OXR1: variants seen among roughly 807,000 people sequenced by gnomAD.
OXR1 encodes oxidation resistance protein 1.
OXR1 carries 41 observed loss-of-function variants against 104.6 expected under a neutral mutation model. The observed-to-expected ratio is 0.39, with a 90% CI of 0.31 to 0.51. The LOEUF is 0.51. Among genes scored for constraint, OXR1 ranks in the 20% least tolerant of loss-of-function variants. The pLI is 0.77. For missense variants in OXR1, 955 were observed against 1,031.9 expected, an observed-to-expected ratio of 0.93 and a Z score of 1.02; for synonymous variants, 348 against 348.4, an observed-to-expected ratio of 1.00 and a Z score of 0.01.
intron 3 of OXR1, among the ~76,000 whole-genome samples, chr8:106,588,770 C>T (rs1408548246): frequency 6.6e-6 from 1 of 152,116 alleles, no homozygotes; most frequent in Admixed American, 6.5e-5. Flanking sequence ...TGAGCCACCG[C>T]GCCCAGCCTC....
chr8:106,686,643 GTTA>G (rs1828758791), intron 6 of OXR1, among the ~76,000 whole-genome samples: 2 of 151,952 alleles, frequency 1.3e-5, no homozygotes, highest in South Asian at 2.1e-4. Flanking sequence ...TATTAGTATT[GTTA>G]TTATATGTTT....
At chr8:106,369,121 G>A (rs1816604608) in intron 2 of OXR1, among the ~76,000 whole-genome samples, 1 of 152,198 alleles carries the variant, frequency 6.6e-6, no homozygotes. Flanking sequence ...GTATCTCACT[G>A]TGGTTTTGAT....
intron 3 of OXR1, among the ~76,000 whole-genome samples, chr8:106,572,406 C>G (rs1199992101): frequency 6.6e-6 from 1 of 152,180 alleles, no homozygotes; most frequent in Non-Finnish European, 1.5e-5. Flanking sequence ...TCAGAAAAAG[C>G]TTTCTCAATT....
intron 2 of OXR1, among the ~76,000 whole-genome samples, chr8:106,453,237 A>ATC (rs1477588600): frequency 6.6e-6 from 1 of 152,084 alleles, no homozygotes; most frequent in Non-Finnish European, 1.5e-5. Context: ...TCACCCATGG[A>ATC]TCTCTCTCTC....
chr8:106,687,792 A>G (rs933880500), intron 6 of OXR1, among the ~76,000 whole-genome samples: 1 of 151,992 alleles, frequency 6.6e-6, no homozygotes, highest in South Asian at 2.1e-4. Flanking sequence ...TCCATTTTAT[A>G]GAGGAGGAAA....
At chr8:106,663,245 C>G (rs1825948430) in intron 3 of OXR1, among the ~76,000 whole-genome samples, 2 of 151,924 alleles carry the variant, frequency 1.3e-5, no homozygotes, top group Admixed American at 1.3e-4. Flanking sequence ...AAAATCTGAG[C>G]CAAAGAAAGA....
At chr8:106,552,791 A>G (rs988633823) in intron 3 of OXR1, among the ~76,000 whole-genome samples, 27 of 152,210 alleles carry the variant, frequency 1.8e-4, no homozygotes. Context: ...TTTGAAATGC[A>G]GTTAAGTTCA....
At chr8:106,595,578 AAAAG>A (rs1424283073) in intron 3 of OXR1, among the ~76,000 whole-genome samples, 2 of 151,940 alleles carry the variant, frequency 1.3e-5, no homozygotes, top group Non-Finnish European at 2.9e-5. Context: ...AAAGAAAAGA[AAAAG>A]AAAACGAAAG....
chr8:106,562,748 C>T (rs1008045495), intron 3 of OXR1, among the ~76,000 whole-genome samples: 4 of 152,138 alleles, frequency 2.6e-5, no homozygotes, highest in African/African-American at 4.8e-5. Flanking sequence ...CAAAGAGAAG[C>T]CCATCAGACT....
At chr8:106,314,142 G>A (rs1586509752) in intron 1 of OXR1, among the ~76,000 whole-genome samples, 1 of 152,128 alleles carries the variant, frequency 6.6e-6, no homozygotes, top group Non-Finnish European at 1.5e-5. Context: ...TGCCCAAAAG[G>A]GAGCTTTTAT....
chr8:106,565,647 C>T (rs6989665), intron 3 of OXR1, among the ~76,000 whole-genome samples: 75,967 of 151,836 alleles, frequency 0.5, 19,199 homozygotes, highest in African/African-American at 0.53. Context: ...CTATATGGAA[C>T]CAAAAAAGAG....
At chr8:106,311,479 C>T (rs938020540) in intron 1 of OXR1, among the ~76,000 whole-genome samples, 3 of 152,120 alleles carry the variant, frequency 2.0e-5, no homozygotes, top group African/African-American at 7.2e-5. Context: ...ATATACTAAA[C>T]TATCATTAAT....
intron 3 of OXR1, among the ~76,000 whole-genome samples, chr8:106,677,078 T>A (rs2131196960): frequency 6.6e-6 from 1 of 152,180 alleles, no homozygotes; most frequent in South Asian, 2.1e-4. Context: ...TTAGGCAAAG[T>A]AAATACAAAC....
chr8:106,626,654 T>C (rs1330818624), intron 3 of OXR1, among the ~76,000 whole-genome samples: 1 of 151,008 alleles, frequency 6.6e-6, no homozygotes, highest in African/African-American at 2.4e-5. Context: ...TAATAATATC[T>C]TTAAAAAAAT....
chr8:106,717,375 G>A (rs1287182394), intron 11 of OXR1, among the ~76,000 whole-genome samples: 1 of 152,070 alleles, frequency 6.6e-6, no homozygotes, highest in African/African-American at 2.4e-5. Flanking sequence ...ACAAAGGAAT[G>A]GAGAATAGGT....
chr8:106,530,021 T>C (rs1182618614), intron 3 of OXR1, among the ~76,000 whole-genome samples: 4 of 152,204 alleles, frequency 2.6e-5, no homozygotes, highest in South Asian at 2.1e-4. Context: ...AACACGTCTA[T>C]GAACATCCCA....
intron 3 of OXR1, among the ~76,000 whole-genome samples, chr8:106,635,191 T>C (rs1388481003): frequency 6.6e-6 from 1 of 152,220 alleles, no homozygotes; most frequent in Non-Finnish European, 1.5e-5. Flanking sequence ...CTCCTGGATA[T>C]GAATGAATGT....
At chr8:106,708,266 G>A (rs1831342641) in intron 9 of OXR1, among the ~76,000 whole-genome samples, 1 of 151,988 alleles carries the variant, frequency 6.6e-6, no homozygotes, top group Non-Finnish European at 1.5e-5. Context: ...CATGGTGATG[G>A]TGCACACCTG....
intron 3 of OXR1, among the ~76,000 whole-genome samples, chr8:106,537,102 T>A (rs995740238): frequency 5.9e-5 from 9 of 152,110 alleles, no homozygotes; most frequent in African/African-American, 2.2e-4. Context: ...ATCTTCTCCT[T>A]GTATCCTCAT....
Sources: gnomAD v4.1 joint callset for allele counts (sites outside exome capture counted in the v4.1 genomes callset) on GRCh38, gnomAD v4.1.1 for gene constraint, MANE v1.5 for transcripts, NCBI Gene and HGNC (gene_info 2026-07-23, HGNC 2026-07-21) for gene names.